The following TAF9B variants were observed in gnomAD, a reference collection of about 807,000 sequenced individuals.
TAF9B encodes the protein TATA-box binding protein associated factor 9b.
Under a neutral mutation model 17.6 loss-of-function variants are expected in TAF9B, and 47 were observed. That is an observed-to-expected ratio of 2.68 (90% CI 2.12 to 3.41). The LOEUF is 3.41. Ranked by LOEUF, TAF9B falls within the 30% of genes most tolerant of loss-of-function variation. The pLI is 0.00. For synonymous variants in TAF9B, 84 were observed against 68.7 expected (o/e 1.22, Z -1.10); for missense variants, 218 against 189.3 (o/e 1.15, Z -0.89).
rs782532313 is a variant in TAF9B at position 78,136,996 on chromosome X, G to A, written c.406-6C>T. The stretch of plus-strand genomic sequence containing the variant: ...AGTCTCCCTTGGTTAGGTCCCTAGG[G>A]GATTTAAAAAACAAATTAATGTTAA... On this transcript the variant is annotated splice_region_variant and splice_polypyrimidine_tract_variant and intron_variant, in intron 4 of 6. Coordinates refer to ENST00000341864, the MANE Select transcript of TAF9B (RefSeq NM_015975.5). 8.5e-7 allele frequency: 1 copy of A among 1,172,487 alleles called. No homozygotes were observed. Among genetic ancestry groups the A allele is most frequent in the South Asian group, 1.9e-5 (1 of 53,219 alleles).
In TAF9B at chrX:78,136,918, T is replaced by C. The variant is rs375587295; in HGVS notation, c.478A>G (p.Ile160Val). 2.9e-5 allele frequency: 35 copies of C among 1,189,939 alleles called. No individual in the cohort carries two copies. Among genetic ancestry groups the C allele is most frequent in the Non-Finnish European group, 3.3e-5 (29 of 878,062 alleles). ...GCCATTGTCTCCTCTCACTTACCTA[T>C]AGTAGGAGTAGTAGGTTTGCTACTA... is the stretch of plus-strand genomic sequence containing the variant. Reference protein sequence around the residue: ...AVSSKPTTPTIATPQTVSVPN... With the variant: ...AVSSKPTTPTVATPQTVSVPN... The change falls in exon 5 of 7, where the codon ATA becomes GTA. Residue 160 changes from isoleucine to valine, a missense_variant. By Grantham distance (29) the Ile-to-Val change is conservative. Transcript: ENST00000341864.
In TAF9B at chrX:78,131,614, A is replaced by G. The variant is rs781920156; in HGVS notation, c.752T>C (p.Met251Thr). The stretch of plus-strand genomic sequence containing the variant: ...ATCTAGACTAGACTATATTCCTTAC[A>G]TAATATCATTGTCATCATCATCTTC... The part of the protein sequence containing the change: ...KHEDDDDNDI[M>T] The change falls in exon 7 of 7, where the codon ATG (methionine) becomes ACG (threonine). Residue 251 changes from methionine (M) to threonine (T), a missense_variant. Coordinates refer to ENST00000341864, the MANE Select transcript of TAF9B (RefSeq NM_015975.5). 1.7e-5 allele frequency: 21 copies of G among 1,209,772 alleles called. No homozygotes were observed. Among genetic ancestry groups the G allele is most frequent in the South Asian group, 3.5e-5 (2 of 56,736 alleles).
At chrX:78,138,230 C>A in intron 2 of TAF9B, 132 bp from the exon 3 acceptor site, 1 of 725,357 alleles carries the variant, frequency 1.4e-6, no homozygotes, top group East Asian at 3.3e-5. Flanking sequence ...GAGACAGGGT[C>A]TCGCTATGTT....
At chrX:78,135,463 C>T (rs1442814090) in intron 5 of TAF9B, among the ~76,000 whole-genome samples, 3 of 104,632 alleles carry the variant, frequency 2.9e-5, no homozygotes, top group South Asian at 4.4e-4. Context: ...GGTGTGGTGA[C>T]GCACACCTGT....
At position 78,139,548 on chromosome X, in the gene TAF9B, C is replaced by T. The variant is rs782182938; in HGVS notation, c.51+13G>A. 1 of 1,212,018 alleles carries T rather than the reference C, an allele frequency of 8.3e-7. No individual in the cohort carries two copies. Among genetic ancestry groups the T allele is most frequent in the Admixed American group, 2.2e-5 (1 of 46,097 alleles). ...CCTGGCTTCGCGATCCGCGGCTTAT[C>T]CTTCGCACTTACCAAGGCATCTCTC... On this transcript the variant is annotated intron_variant, in intron 1 of 6. Transcript: ENST00000341864.
chrX:78,134,924 C>T (rs1557249866), intron 5 of TAF9B, among the ~76,000 whole-genome samples: 1 of 107,995 alleles, frequency 9.3e-6, no homozygotes, highest in East Asian at 2.9e-4. Context: ...AGAGTAAATA[C>T]TCAGGTCTTA....
intron 5 of TAF9B, among the ~76,000 whole-genome samples, chrX:78,133,913 C>A (rs188216511): frequency 9.0e-6 from 1 of 111,348 alleles, no homozygotes; most frequent in Admixed American, 9.6e-5. Context: ...TTTAACCTAC[C>A]AGAATAAAGA....
chrX:78,136,574 A>T (rs1557250069), intron 5 of TAF9B, among the ~76,000 whole-genome samples: 1 of 112,357 alleles, frequency 8.9e-6, no homozygotes, highest in Non-Finnish European at 1.9e-5. Flanking sequence ...TAAATTTCTA[A>T]TAAGTAGTCT....
Position 78,131,516 on chromosome X carries a change from T to C in TAF9B, c.*94A>G. On this transcript the variant is annotated 3_prime_UTR_variant, in exon 7 of 7. Coordinates refer to ENST00000341864, the MANE Select transcript of TAF9B (RefSeq NM_015975.5). ...AATACTGCAGCTACATTTCAGTCTT[T>C]TAAGGTAAAACAAGATCTAGAATAT... is the stretch of plus-strand genomic sequence containing the variant. The C allele has an allele frequency of 1.2e-6, 1 of 805,227 alleles. No homozygotes were observed. Among genetic ancestry groups the C allele is most frequent in the Non-Finnish European group, 1.8e-6 (1 of 571,230 alleles). 66.4% of individuals were successfully genotyped at this position (805,227 alleles called of 1,213,427 possible). A position where few individuals can be genotyped will look rare whatever the true frequency, so the allele number is the denominator to read the frequency against.
intron 6 of TAF9B, 78 bp downstream of exon 6, chrX:78,133,260 C>T (rs2078421170): frequency 3.6e-6 from 3 of 833,632 alleles, no homozygotes; most frequent in Non-Finnish European, 5.3e-6. Flanking sequence ...AACAATTTAC[C>T]TCTTGCTATA....
chrX:78,130,567 T>C lies in TAF9B; in HGVS notation c.*1043A>G, dbSNP rs1367927081. The stretch of plus-strand genomic sequence containing the variant: ...CAACAAGCTAAAATGATCTGAATTA[T>C]ACCAATAGCGGGGCTCAAGCAGCAG... On this transcript the variant is annotated 3_prime_UTR_variant, in exon 7 of 7. Transcript: ENST00000341864. 3 of 112,575 alleles carry C rather than the reference T, an allele frequency of 2.7e-5. No homozygotes were observed. The highest frequency in any genetic ancestry group is 5.6e-5 in the Non-Finnish European group (3 of 53,258). The allele number at this position is 112,575 out of a possible 1,213,427, so 9.3% of individuals were successfully genotyped here.
chrX:78,138,843 G>A lies in TAF9B; in HGVS notation c.133C>T (p.Arg45Cys). ...AGTTTTTGGTGTTTCATTAACTTAC[G>A]GAAAGCAAATTCCAACATTTGATTT... ...VINQMLEFAFRYVTTILDDAK... is the reference protein window; with the variant it reads ...VINQMLEFAFCYVTTILDDAK... The change falls in exon 2 of 7, where the codon CGT becomes TGT. Residue 45 changes from arginine to cysteine, a missense_variant and splice_region_variant. By Grantham distance (180) the Arg-to-Cys change is radical. Transcript: ENST00000341864. 1 of 1,196,111 alleles carries A rather than the reference G, an allele frequency of 8.4e-7. No individual in the cohort carries two copies.
intron 1 of TAF9B, among the ~76,000 whole-genome samples, chrX:78,139,131 G>C (rs2078446141): frequency 9.0e-6 from 1 of 111,445 alleles, no homozygotes; most frequent in Non-Finnish European, 1.9e-5. Context: ...ATTTTTTGGC[G>C]GGGTTGGGGG....
chrX:78,138,571 AAT>A (rs1226049234), intron 2 of TAF9B, among the ~76,000 whole-genome samples: 2 of 112,107 alleles, frequency 1.8e-5, no homozygotes, highest in Non-Finnish European at 3.8e-5. Flanking sequence ...CAGCCTGGGC[AAT>A]ATGGCGAAAC....
chrX:78,133,962 A>G (rs782265196), intron 5 of TAF9B, among the ~76,000 whole-genome samples: 6 of 111,382 alleles, frequency 5.4e-5, no homozygotes, highest in Non-Finnish European at 9.4e-5. Context: ...GGCACTTTTA[A>G]TCTTGGTCAC....
At chrX:78,132,082 C>T (rs1557249570) in intron 6 of TAF9B, among the ~76,000 whole-genome samples, 1 of 111,892 alleles carries the variant, frequency 8.9e-6, no homozygotes, top group Non-Finnish European at 1.9e-5. Flanking sequence ...CAACCTCCGC[C>T]TCCTGAGTTC....
chrX:78,138,670 G>A lies in TAF9B; in HGVS notation c.133+173C>T, dbSNP rs1489013679. Reference sequence around the variant, plus strand: ...CTCGGGAGGCTGAGGCACAAGAATCGCTTGAACCCAGGAGGCGGAGGCCGC... The same window carrying A: ...CTCGGGAGGCTGAGGCACAAGAATCACTTGAACCCAGGAGGCGGAGGCCGC... On this transcript the variant is annotated intron_variant, in intron 2 of 6. Transcript: ENST00000341864. Among the ~76,000 whole-genome samples the A allele has an allele frequency of 2.7e-5, 3 of 112,769 alleles. No homozygotes were observed. The East Asian group carries it at 8.3e-4, about 31-fold the overall frequency.
intron 5 of TAF9B, among the ~76,000 whole-genome samples, chrX:78,133,896 A>T (rs1247801409): frequency 9.0e-6 from 1 of 111,654 alleles, no homozygotes; most frequent in African/African-American, 3.3e-5. Context: ...AGACATAAAG[A>T]TGAGAGTTTA....
chrX:78,133,151 CTACTT>C (rs1210280213), intron 6 of TAF9B, among the ~76,000 whole-genome samples, 182 bp downstream of exon 6: 6 of 111,669 alleles, frequency 5.4e-5, no homozygotes, highest in African/African-American at 1.6e-4. Context: ...AGGGGGGAGA[CTACTT>C]TATGTAAAAT....
Sources: allele counts gnomAD v4.1 joint callset (sites outside exome capture counted in the v4.1 genomes callset), GRCh38; gene constraint gnomAD v4.1.1; transcripts MANE v1.5; gene names NCBI Gene and HGNC (gene_info 2026-07-23, HGNC 2026-07-21).